RBM19: variants seen among roughly 807,000 people sequenced by gnomAD.
RBM19 encodes the protein RNA binding motif protein 19, also known as probable RNA-binding protein 19.
RBM19 carries 94 observed loss-of-function variants against 116.8 expected under a neutral mutation model. The ratio of observed to expected loss-of-function variants is 0.80; its 90% CI spans 0.68 to 0.95. RBM19 has a LOEUF of 0.95. Among genes scored for constraint, RBM19 ranks in the 40% least tolerant of loss-of-function variants. The pLI is 0.00. For synonymous variants in RBM19, 475 were observed against 494.1 expected (o/e 0.96, Z 0.51); for missense variants, 1,161 against 1,220.7 (o/e 0.95, Z 0.73).
intron 22 of RBM19, among the ~76,000 whole-genome samples, chr12:113,852,685 G>A (rs548940810): frequency 6.6e-6 from 1 of 152,312 alleles, no homozygotes; most frequent in African/African-American, 2.4e-5. Context: ...TGCTTTGCAT[G>A]CAACATTCTG....
At position 113,890,134 on chromosome 12, in the gene RBM19, C is replaced by G. The variant is rs893371656; in HGVS notation, c.2558+24835G>C. Among the ~76,000 whole-genome samples the G allele has an allele frequency of 2.8e-4, 42 of 152,152 alleles. 1 individual carries two copies. The highest frequency in any genetic ancestry group is 1.5e-5 in the Non-Finnish European group (1 of 68,038). On this transcript the variant is annotated intron_variant, in intron 21 of 23. Coordinates refer to ENST00000261741, the MANE Select transcript of RBM19 (RefSeq NM_016196.4). Reference sequence around the variant, plus strand: ...TCTCATTCCCCCCTCCCTCGCTGCCCAAAACCTCAAATAAAATAAATTAAA... The same window carrying G: ...TCTCATTCCCCCCTCCCTCGCTGCCGAAAACCTCAAATAAAATAAATTAAA...
In RBM19 at chr12:113,887,662, A is replaced by G. The variant is rs574275484; in HGVS notation, c.2558+27307T>C. The stretch of plus-strand genomic sequence containing the variant: ...AAAAAAAAAAAAAAAGAAAAAAGAA[A>G]AAAGAAAAAGCCAACATCTAGTAGA... On this transcript the variant is annotated intron_variant, in intron 21 of 23. Coordinates refer to ENST00000261741, the MANE Select transcript of RBM19 (RefSeq NM_016196.4). Among the ~76,000 whole-genome samples the G allele has an allele frequency of 6.6e-5, 10 of 151,714 alleles. No individual in the cohort carries two copies. The East Asian group carries it at 1.4e-3, about 21-fold the overall frequency.
At chr12:113,821,909 C>T (rs1023310733), downstream of RBM19, 10 of 152,258 alleles carry the variant, frequency 6.6e-5, no homozygotes, top group Non-Finnish European at 1.5e-4. Context: ...TGCCTGGGCT[C>T]TGGGCCACTC....
intron 21 of RBM19, among the ~76,000 whole-genome samples, chr12:113,902,459 C>T (rs937874575): frequency 3.9e-5 from 6 of 151,966 alleles, no homozygotes; most frequent in African/African-American, 1.5e-4. Context: ...ATTAGCTGGG[C>T]GTGGAAGTGC....
intron 21 of RBM19, among the ~76,000 whole-genome samples, chr12:113,871,158 ACTC>A (rs1230792291): frequency 2.0e-5 from 3 of 152,112 alleles, no homozygotes; most frequent in African/African-American, 7.2e-5. Context: ...GTTGTCACGC[ACTC>A]CTCAAGACTC....
intron 14 of RBM19, among the ~76,000 whole-genome samples, chr12:113,941,435 T>A (rs901479033): frequency 6.6e-6 from 1 of 152,232 alleles, no homozygotes; most frequent in African/African-American, 2.4e-5. Context: ...TAGAGCTGCT[T>A]TCACAGAGTG....
intron 16 of RBM19, among the ~76,000 whole-genome samples, chr12:113,932,147 T>G (rs1436990501): frequency 6.6e-6 from 1 of 152,202 alleles, no homozygotes; most frequent in African/African-American, 2.4e-5. Context: ...GTTGATGGCT[T>G]CAGGTCATAT....
chr12:113,878,782 C>G (rs1879859562), intron 21 of RBM19, among the ~76,000 whole-genome samples: 1 of 127,198 alleles, frequency 7.9e-6, no homozygotes, highest in African/African-American at 3.0e-5. Flanking sequence ...ATAGCCAAGG[C>G]ATGCAACTGA....
In RBM19 at chr12:113,948,893, C is replaced by G; in HGVS notation, c.1216G>C (p.Val406Leu). 6.2e-7 allele frequency: 1 copy of G among 1,614,216 alleles called. No individual in the cohort carries two copies. Among genetic ancestry groups the G allele is most frequent in the South Asian group, 1.1e-5 (1 of 91,086 alleles). ...EDLAESGRLF[V>L]RNLPYTSTEE... is the part of the protein sequence containing the mutation. The stretch of plus-strand genomic sequence containing the variant: ...GTGCTGGTGTAGGGCAGGTTCCGTA[C>G]AAAGAGCCTTCCGGATTCGGCCAGG... Residue 406 changes from valine to leucine, a missense_variant, in exon 10 of 24, where the codon GTA becomes CTA. By Grantham distance (32) the Val-to-Leu change is conservative. Transcript: ENST00000261741.
At chr12:113,961,741 C>T (rs1228897069) in intron 2 of RBM19, among the ~76,000 whole-genome samples, 3 of 152,188 alleles carry the variant, frequency 2.0e-5, no homozygotes, top group Middle Eastern at 3.2e-3. Context: ...TCCCACAGTC[C>T]CTGGGGCTCA....
intron 16 of RBM19, 81 bp downstream of exon 16, chr12:113,936,926 A>G: frequency 6.5e-7 from 1 of 1,531,688 alleles, no homozygotes; most frequent in South Asian, 1.3e-5. Flanking sequence ...AGGCTTGATA[A>G]GAAACTTCAC....
At position 113,878,523 on chromosome 12, in the gene RBM19, C is replaced by T. The variant is rs114648054; in HGVS notation, c.2559-19627G>A. On this transcript the variant is annotated intron_variant, in intron 21 of 23. Coordinates refer to ENST00000261741, the MANE Select transcript of RBM19 (RefSeq NM_016196.4). ...GGCATCGGCCATCGCAGGCCCCAAG[C>T]GGGTTCTTTTCTGCAAGTGACCAGG... Among the ~76,000 whole-genome samples the T allele has an allele frequency of 8.3e-3, 1,265 of 152,194 alleles. 13 individuals are homozygous for T. Among genetic ancestry groups the T allele is most frequent in the African/African-American group, 0.029 (1,205 of 41,510 alleles).
At chr12:113,838,405 C>T (rs528047896) in intron 23 of RBM19, among the ~76,000 whole-genome samples, 1 of 152,310 alleles carries the variant, frequency 6.6e-6, no homozygotes, top group South Asian at 2.1e-4. Context: ...ATGGGGAGAA[C>T]ACACAAACTC....
At chr12:113,945,999 G>C in intron 12 of RBM19, 75 bp from the exon 13 acceptor site, 2 of 1,340,524 alleles carry the variant, frequency 1.5e-6, no homozygotes, top group Non-Finnish European at 2.1e-6. Context: ...CACGAATCCT[G>C]TAAGAAATGG....
intron 2 of RBM19, among the ~76,000 whole-genome samples, chr12:113,960,391 T>A (rs1872389195): frequency 6.6e-6 from 1 of 152,206 alleles, no homozygotes; most frequent in African/African-American, 2.4e-5. Flanking sequence ...GAGTCTGTAA[T>A]ACTGTAATGG....
chr12:113,876,511 T>C (rs1879679174), intron 21 of RBM19, among the ~76,000 whole-genome samples: 2 of 151,992 alleles, frequency 1.3e-5, no homozygotes, highest in South Asian at 4.2e-4. Context: ...TAAAATGGGG[T>C]TGAGCATGGT....
intron 21 of RBM19, among the ~76,000 whole-genome samples, chr12:113,900,033 C>G (rs1007827267): frequency 1.3e-5 from 2 of 152,154 alleles, no homozygotes; most frequent in Non-Finnish European, 2.9e-5. Flanking sequence ...TCCCCCGGTA[C>G]AGGCACGCTC....
At chr12:113,831,333 T>C (rs1381166229) in intron 23 of RBM19, among the ~76,000 whole-genome samples, 1 of 152,170 alleles carries the variant, frequency 6.6e-6, no homozygotes, top group Non-Finnish European at 1.5e-5. Flanking sequence ...ATAAAAACCT[T>C]GTCTGTGTGT....
intron 23 of RBM19, among the ~76,000 whole-genome samples, chr12:113,829,605 C>T (rs912337790): frequency 6.6e-6 from 1 of 152,220 alleles, no homozygotes; most frequent in Admixed American, 6.5e-5. Flanking sequence ...AAACCACCAG[C>T]CATGGGGGCC....
Sources: allele counts gnomAD v4.1 joint callset (sites outside exome capture counted in the v4.1 genomes callset), GRCh38; gene constraint gnomAD v4.1.1; transcripts MANE v1.5; gene names NCBI Gene and HGNC (gene_info 2026-07-23, HGNC 2026-07-21).